The following DHRSX variants were observed in gnomAD, a reference collection of about 807,000 sequenced individuals.
DHRSX encodes the protein dehydrogenase/reductase X-linked, also known as polyprenol dehydrogenase.
A neutral mutation model predicts 34.0 loss-of-function variants in DHRSX; 31 were observed. The observed-to-expected ratio is 0.91, with a 90% CI of 0.69 to 1.23. The LOEUF is 1.23. DHRSX is among the 50% of genes most tolerant of loss of function. The probability of loss-of-function intolerance (pLI) is 0.00; values close to 1 mark genes in which losing one functional copy is unlikely to be tolerated. For missense variants in DHRSX, 414 were observed against 428.1 expected, an observed-to-expected ratio of 0.97 and a Z score of 0.29; for synonymous variants, 201 against 183.8, an observed-to-expected ratio of 1.09 and a Z score of -0.76.
chrX:2,378,273 C>A (rs2043164591), intron 3 of DHRSX, among the ~76,000 whole-genome samples: 1 of 152,222 alleles, frequency 6.6e-6, no homozygotes, highest in Non-Finnish European at 1.5e-5. Flanking sequence ...GATTTGACTT[C>A]TGTGGCTTTC....
At chrX:2,476,544 C>A (rs2044682509) in intron 1 of DHRSX, among the ~76,000 whole-genome samples, 2 of 152,144 alleles carry the variant, frequency 1.3e-5, no homozygotes, top group East Asian at 3.8e-4. Flanking sequence ...TAGGAAATTG[C>A]AATTGCAATG....
intron 3 of DHRSX, among the ~76,000 whole-genome samples, chrX:2,377,071 T>C (rs1159718833): frequency 6.6e-6 from 1 of 151,690 alleles, no homozygotes. Context: ...GATACTGTAT[T>C]GATGCTTCTA....
chrX:2,224,865 T>C (rs73626158), intron 6 of DHRSX, among the ~76,000 whole-genome samples: 130,559 of 150,944 alleles, frequency 0.86, 56,957 homozygotes, highest in African/African-American at 0.96. Context: ...CAAATTCGCA[T>C]GCACACAGCT....
intron 2 of DHRSX, among the ~76,000 whole-genome samples, chrX:2,419,778 T>G (rs2043749077): frequency 8.5e-6 from 1 of 118,328 alleles, no homozygotes; most frequent in Non-Finnish European, 1.6e-5. Context: ...TGAGAACACA[T>G]GGACACAGGA....
At chrX:2,398,077 CAA>C (rs1185505651) in intron 3 of DHRSX, among the ~76,000 whole-genome samples, 1 of 151,808 alleles carries the variant, frequency 6.6e-6, no homozygotes, top group East Asian at 2.0e-4. Context: ...AAGGATTACA[CAA>C]AGAGATGAGT....
chrX:2,299,803 C>G (rs1201753172), intron 3 of DHRSX, among the ~76,000 whole-genome samples: 1 of 150,856 alleles, frequency 6.6e-6, no homozygotes, highest in Non-Finnish European at 1.5e-5. Context: ...TGCAGTAAGC[C>G]GAGATCACAC....
chrX:2,457,905 T>G (rs751809357), intron 1 of DHRSX, among the ~76,000 whole-genome samples: 1 of 148,454 alleles, frequency 6.7e-6, no homozygotes, highest in South Asian at 2.2e-4. Context: ...AGGGAATATG[T>G]TCCGTAAGCA....
At chrX:2,248,613 C>CA (rs1357827255) in intron 5 of DHRSX, among the ~76,000 whole-genome samples, 83 of 17,504 alleles carry the variant, frequency 4.7e-3, no homozygotes, top group Non-Finnish European at 0.01. Context: ...GACTCTGTCT[C>CA]AAAAAAAAAA....
intron 5 of DHRSX, among the ~76,000 whole-genome samples, chrX:2,250,374 TAGA>T (rs1383078838): frequency 1.1e-4 from 16 of 151,870 alleles, no homozygotes; most frequent in Non-Finnish European, 2.1e-4. Context: ...ATTATGAAAG[TAGA>T]AGAATAAAGA....
At chrX:2,481,144 C>T (rs369543519) in intron 1 of DHRSX, among the ~76,000 whole-genome samples, 1 of 152,238 alleles carries the variant, frequency 6.6e-6, no homozygotes, top group Admixed American at 6.5e-5. Context: ...AATGTGTACT[C>T]GGATTAAAAC....
intron 1 of DHRSX, among the ~76,000 whole-genome samples, chrX:2,491,709 G>A (rs1198893037): frequency 7.2e-5 from 11 of 152,224 alleles, no homozygotes; most frequent in Admixed American, 6.5e-5. Context: ...CTGTAAGCAC[G>A]TCTGAAGAAG....
intron 1 of DHRSX, among the ~76,000 whole-genome samples, chrX:2,462,107 G>C (rs1204163866): frequency 1.3e-5 from 2 of 151,362 alleles, no homozygotes; most frequent in African/African-American, 4.9e-5. Flanking sequence ...TATTACCTAA[G>C]GAAACACAGA....
intron 3 of DHRSX, among the ~76,000 whole-genome samples, chrX:2,396,255 C>CAAAG (rs1287255015): frequency 6.6e-6 from 1 of 152,096 alleles, no homozygotes; most frequent in African/African-American, 2.4e-5. Flanking sequence ...ATTACATCTG[C>CAAAG]AAAGACCCTA....
chrX:2,253,299 T>G (rs768394383), intron 5 of DHRSX, among the ~76,000 whole-genome samples: 1 of 137,432 alleles, frequency 7.3e-6, no homozygotes, highest in Non-Finnish European at 1.6e-5. Flanking sequence ...GCCACGGCAC[T>G]GCAGCCTGGG....
chrX:2,453,867 G>A (rs1419896186), intron 1 of DHRSX, among the ~76,000 whole-genome samples: 2 of 152,068 alleles, frequency 1.3e-5, no homozygotes, highest in Non-Finnish European at 2.9e-5. Flanking sequence ...ATGTGAATAT[G>A]TTAATTAGCT....
intron 4 of DHRSX, among the ~76,000 whole-genome samples, chrX:2,269,115 G>A (rs1484572464): frequency 1.3e-5 from 2 of 152,210 alleles, no homozygotes; most frequent in East Asian, 1.9e-4. Context: ...ATTTGTATAT[G>A]TGTTTGTGTG....
chrX:2,311,605 T>C (rs1031580224), intron 3 of DHRSX, among the ~76,000 whole-genome samples: 1 of 151,980 alleles, frequency 6.6e-6, no homozygotes, highest in African/African-American at 2.4e-5. Context: ...CTTGTGTAAG[T>C]AAAGAGGAAA....
intron 3 of DHRSX, among the ~76,000 whole-genome samples, chrX:2,408,240 T>G (rs2043583192): frequency 6.6e-6 from 1 of 152,046 alleles, no homozygotes; most frequent in Non-Finnish European, 1.5e-5. Flanking sequence ...CATGCCTGGC[T>G]AATTTTTGTA....
chrX:2,255,396 A>G (rs1274466695), intron 5 of DHRSX, among the ~76,000 whole-genome samples: 2 of 152,150 alleles, frequency 1.3e-5, no homozygotes, highest in African/African-American at 2.4e-5. Flanking sequence ...GAGATGGGAT[A>G]CCACACTCAA....
Sources: gnomAD v4.1 joint callset for allele counts (sites outside exome capture counted in the v4.1 genomes callset) on GRCh38, gnomAD v4.1.1 for gene constraint, MANE v1.5 for transcripts, NCBI Gene and HGNC (gene_info 2026-07-23, HGNC 2026-07-21) for gene names.